The following COL1A1 variants were observed in gnomAD, a reference collection of about 807,000 sequenced individuals.
COL1A1 encodes the protein collagen type I alpha 1 chain.
Under a neutral mutation model 195.7 loss-of-function variants are expected in COL1A1, and 21 were observed. The observed-to-expected ratio is 0.11, with a 90% CI of 0.08 to 0.15. COL1A1 has a LOEUF of 0.15. Among genes scored for constraint, COL1A1 ranks in the 10% least tolerant of loss-of-function variants. The probability of loss-of-function intolerance (pLI) is 1.00; values close to 1 mark genes in which losing one functional copy is unlikely to be tolerated. For missense variants in COL1A1, 1,365 were observed against 2,051.0 expected (o/e 0.67, Z 6.46); for synonymous variants, 749 against 747.3 (o/e 1.00, Z -0.04).
Position 50,194,210 on chromosome 17 carries a change from G to T in COL1A1, c.1615-27C>A. The T allele has an allele frequency of 6.2e-7, 1 of 1,611,956 alleles. No individual in the cohort carries two copies. The highest frequency in any genetic ancestry group is 8.5e-7 in the Non-Finnish European group (1 of 1,178,932). ...TAGGGAGGCAGAGAGGTATGAGTGG[G>T]ACTTGGGGAGAAGCATGATGGAGGT... On this transcript the variant is annotated intron_variant, in intron 23 of 50. Coordinates refer to ENST00000225964, the MANE Select transcript of COL1A1 (RefSeq NM_000088.4). The surrounding 1 kb of genome is among the most constrained non-coding windows in gnomAD (Gnocchi z 6.8).
At chr17:50,199,982 G>T in intron 1 of COL1A1, 35 bp from the exon 2 acceptor site, 1 of 1,606,208 alleles carries the variant, frequency 6.2e-7, no homozygotes, top group South Asian at 1.1e-5. Flanking sequence ...TGTCAGTAGT[G>T]ACTGCAACCC....
chr17:50,191,872 G>A lies in COL1A1; in HGVS notation c.2043C>T (p.Phe681=), dbSNP rs1284654806. Residue 681 remains phenylalanine (F), a synonymous_variant, in exon 31 of 51, where the codon TTC becomes TTT. Coordinates refer to ENST00000225964, the MANE Select transcript of COL1A1 (RefSeq NM_000088.4). ...GPSGARGERG[F]PGERGVQGPP... is the part of the protein sequence containing the mutation. ...GACCTTGCACACCACGCTCGCCAGG[G>A]AAACCTCTCTCGCCCTAGAAGGGAA... 6.2e-7 allele frequency: 1 copy of A among 1,602,914 alleles called. No homozygotes were observed.
At position 50,189,767 on chromosome 17, in the gene COL1A1, G is replaced by A. The variant is rs370394723; in HGVS notation, c.2614-35C>T. 3.7e-6 allele frequency: 6 copies of A among 1,613,476 alleles called. No individual in the cohort carries two copies. The African/African-American group carries it at 6.7e-5, about 18-fold the overall frequency. On this transcript the variant is annotated intron_variant, in intron 37 of 50. Transcript: ENST00000225964. The surrounding 1 kb of genome is among the most constrained non-coding windows in gnomAD (Gnocchi z 5.5). Reference sequence around the variant, plus strand: ...GAGAACATAGGAACAGTCAGAGGGAGAACAGCCAACTCATCCGACCCAGCT... The same window carrying A: ...GAGAACATAGGAACAGTCAGAGGGAAAACAGCCAACTCATCCGACCCAGCT...
rs147277057 is a variant in COL1A1 at position 50,196,164 on chromosome 17, G to A, written c.993C>T (p.Ala331=). The change falls in exon 15 of 51, where the codon GCC becomes GCT. Residue 331 remains alanine (A), a synonymous_variant. Coordinates refer to ENST00000225964, the MANE Select transcript of COL1A1 (RefSeq NM_000088.4). Reference sequence around the variant, plus strand: ...TACAGGCCACACTCACAGGGGGCCCGGCAGCACCAGTAGCACCATCATTTC... The same window carrying A: ...TACAGGCCACACTCACAGGGGGCCCAGCAGCACCAGTAGCACCATCATTTC... ...ARGNDGATGA[A]GPPGPTGPAG... is the part of the protein sequence containing the mutation. The A allele has an allele frequency of 7.0e-5, 113 of 1,613,950 alleles. No homozygotes were observed. The highest frequency in any genetic ancestry group is 1.3e-4 in the East Asian group (6 of 44,862).
Position 50,191,815 on chromosome 17 carries a change from G to A in COL1A1, c.2100C>T (p.Asn700=), listed in dbSNP as rs201122145. 6.3e-6 allele frequency: 10 copies of A among 1,597,238 alleles called. No individual in the cohort carries two copies. The highest frequency in any genetic ancestry group is 4.5e-5 in the East Asian group (2 of 44,354). The change falls in exon 31 of 51, where the codon AAC becomes AAT. Residue 700 remains asparagine, a synonymous_variant. Coordinates refer to ENST00000225964, the MANE Select transcript of COL1A1 (RefSeq NM_000088.4). ...PPGPAGPRGA[N]GAPGNDGAKG... is the part of the protein sequence containing the mutation. ...TAGCACCATCGTTGCCGGGAGCACC[G>A]TTGGCCCCTCGGGGACCAGCAGGAC...
intron 1 of COL1A1, among the ~76,000 whole-genome samples, chr17:50,200,741 A>G (rs534528209): frequency 1.8e-4 from 27 of 152,308 alleles, no homozygotes; most frequent in African/African-American, 5.8e-4. Flanking sequence ...CCTCTTTAAG[A>G]GGCTTGGGCT....
At chr17:50,193,237 T>C (rs1907259350) in intron 25 of COL1A1, among the ~76,000 whole-genome samples, 190 bp from the exon 26 acceptor site, 1 of 152,172 alleles carries the variant, frequency 6.6e-6, no homozygotes, top group Admixed American at 6.5e-5. Context: ...AAGATGCCCT[T>C]CCAGGCTCCT....
rs751299130 is a variant in COL1A1, at chr17:50,194,807, G to T, written c.1375C>A (p.Pro459Thr). ...CCTTCCTCTCCAGCAGGGCCAGGGG[G>T]TCCTTGAACACCAACAGGGCCCTGG... ...GEPGPVGVQGPPGPAGEEGKR... is the reference protein window; with the variant it reads ...GEPGPVGVQGTPGPAGEEGKR... Residue 459 changes from proline (P) to threonine (T), a missense_variant, in exon 21 of 51, where the codon CCC becomes ACC. By Grantham distance (38) the Pro-to-Thr change is conservative. Transcript: ENST00000225964. This position sits in a 1 kb window ranked among gnomAD's most constrained non-coding sequence, Gnocchi z 6.8. The T allele has an allele frequency of 3.2e-6, 5 of 1,570,002 alleles. No individual in the cohort carries two copies. The Admixed American group carries it at 9.3e-5, about 29-fold the overall frequency.
chr17:50,190,406 G>C lies in COL1A1; in HGVS notation c.2398-26C>G, dbSNP rs996894681. 7 of 1,607,034 alleles carry C rather than the reference G, an allele frequency of 4.4e-6. No individual in the cohort carries two copies. Among genetic ancestry groups the C allele is most frequent in the South Asian group, 1.1e-5 (1 of 90,940 alleles). ...CTAGAAGAAAAGGAGTCAGATTGGA[G>C]AGATGCGCTGACAGGAGGGAAGGCG... On this transcript the variant is annotated intron_variant, in intron 34 of 50. Transcript: ENST00000225964. The surrounding 1 kb of genome is among the most constrained non-coding windows in gnomAD (Gnocchi z 4.7).
intron 1 of COL1A1, 143 bp from the exon 2 acceptor site, chr17:50,200,090 T>G: frequency 1.1e-6 from 1 of 924,358 alleles, no homozygotes; most frequent in Non-Finnish European, 1.7e-6. Flanking sequence ...CCTTAAAAGC[T>G]CGCCTGCTCC....
In COL1A1 at chr17:50,195,387, A is replaced by C. The variant is rs768279079; in HGVS notation, c.1200+47T>G. 1.9e-6 allele frequency: 3 copies of C among 1,613,652 alleles called. No homozygotes were observed. In the South Asian group the frequency reaches 3.3e-5, roughly 18 times the overall value. On this transcript the variant is annotated intron_variant, in intron 18 of 50. Transcript: ENST00000225964. The surrounding 1 kb of genome is among the most constrained non-coding windows in gnomAD (Gnocchi z 4.3). ...TAGGAGCAGAGGGAAAGGGGCAGGC[A>C]GGCTGCAGGCGGCAGGAGTGGGACT...
chr17:50,187,407 C>G lies in COL1A1; in HGVS notation c.3423+77G>C, dbSNP rs910333646. ...CCCTTCTCCAGAGAGGCAAAGGGTG[C>G]CTGGGTCCCTGGCAAGGGTCCCCGA... is the stretch of plus-strand genomic sequence containing the variant. On this transcript the variant is annotated intron_variant, in intron 46 of 50. Coordinates refer to ENST00000225964, the MANE Select transcript of COL1A1 (RefSeq NM_000088.4). 3 of 1,469,878 alleles carry G rather than the reference C, an allele frequency of 2.0e-6. No homozygotes were observed. In the East Asian group the frequency reaches 6.8e-5, roughly 33 times the overall value. 91.1% of individuals were successfully genotyped at this position (1,469,878 alleles called of 1,614,324 possible).
chr17:50,188,617 G>C lies in COL1A1; in HGVS notation c.3120C>G (p.Gly1040=), dbSNP rs776659807. The C allele has an allele frequency of 1.2e-6, 2 of 1,613,176 alleles. No homozygotes were observed. The highest frequency in any genetic ancestry group is 1.7e-6 in the Non-Finnish European group (2 of 1,179,710). ...PGAKGDRGET[G]PAGPPGAPGA... Reference sequence around the variant, plus strand: ...CAGGAGCACCAGGGGGTCCAGCGGGGCCGGTCTCACCACGGTCACCCTGGC... The same window carrying C: ...CAGGAGCACCAGGGGGTCCAGCGGGCCCGGTCTCACCACGGTCACCCTGGC... The change falls in exon 43 of 51, where the codon GGC becomes GGG. Residue 1040 remains glycine (G), a synonymous_variant. Transcript: ENST00000225964. The surrounding 1 kb of genome is among the most constrained non-coding windows in gnomAD (Gnocchi z 5.6).
chr17:50,200,071 TC>T, intron 1 of COL1A1, 124 bp from the exon 2 acceptor site: 2 of 1,099,120 alleles, frequency 1.8e-6, no homozygotes, highest in Non-Finnish European at 2.8e-6. Context: ...CGTTCTTCTT[TC>T]CTCAAATCCT....
In COL1A1 at chr17:50,185,838, G is replaced by A. The variant is rs780908692; in HGVS notation, c.4188C>T (p.Ile1396=). The change falls in exon 50 of 51, where the codon ATC becomes ATT. Residue 1396 remains isoleucine (I), a synonymous_variant. Coordinates refer to ENST00000225964, the MANE Select transcript of COL1A1 (RefSeq NM_000088.4). Reference sequence around the variant, plus strand: ...GGCTGTTGCCCTCGGCGCGGATCTCGATCTCGTTGGAGCCCTGGAGGAGCA... The same window carrying A: ...GGCTGTTGCCCTCGGCGCGGATCTCAATCTCGTTGGAGCCCTGGAGGAGCA... ...KALLLQGSNE[I]EIRAEGNSRF... is the part of the protein sequence containing the mutation. The A allele has an allele frequency of 6.3e-5, 101 of 1,614,004 alleles. No individual in the cohort carries two copies. The highest frequency in any genetic ancestry group is 8.1e-5 in the Non-Finnish European group (96 of 1,180,038).
rs138164489 is a variant in COL1A1 at position 50,192,794 on chromosome 17, C to A, written c.1875+3G>T. 6.5e-5 allele frequency: 105 copies of A among 1,614,116 alleles called. No homozygotes were observed. The highest frequency in any genetic ancestry group is 1.2e-4 in the Admixed American group (7 of 60,022). ...CCCAGATCTCCCCATCAGGGACACTCACAGCAGGGCCAGGGGGTCCCTGAG... is the reference window on the plus strand; with the variant it reads ...CCCAGATCTCCCCATCAGGGACACTAACAGCAGGGCCAGGGGGTCCCTGAG... On this transcript the variant is annotated splice_donor_region_variant and intron_variant, in intron 27 of 50. Coordinates refer to ENST00000225964, the MANE Select transcript of COL1A1 (RefSeq NM_000088.4).
In COL1A1 at chr17:50,194,102, CA is replaced by C; in HGVS notation, c.1668+27del. On this transcript the variant is annotated intron_variant, in intron 24 of 50. Transcript: ENST00000225964. The surrounding 1 kb of genome is among the most constrained non-coding windows in gnomAD (Gnocchi z 6.8). The stretch of plus-strand genomic sequence containing the variant: ...AGCAGGGAGGCAGACAGGACAATGG[CA>C]GGGGGTTCAGGGGGAGTGATACTTA... 6.2e-7 allele frequency: 1 copy of C among 1,611,442 alleles called. No homozygotes were observed. Among genetic ancestry groups the C allele is most frequent in the Non-Finnish European group, 8.5e-7 (1 of 1,178,020 alleles).
In COL1A1 at chr17:50,190,636, C is replaced by T. The variant is rs1158552296; in HGVS notation, c.2344-40G>A. 1.9e-6 allele frequency: 3 copies of T among 1,603,536 alleles called. No individual in the cohort carries two copies. Among genetic ancestry groups the T allele is most frequent in the Non-Finnish European group, 2.6e-6 (3 of 1,171,908 alleles). ...CAAGAGGCTCAGGGTCAGGGCCTCC[C>T]CTGAATACTCCTAGTAGATGACCCC... On this transcript the variant is annotated intron_variant, in intron 33 of 50. Transcript: ENST00000225964. The surrounding 1 kb of genome is among the most constrained non-coding windows in gnomAD (Gnocchi z 4.7).
At chr17:50,193,205 C>T (rs1189300814) in intron 25 of COL1A1, among the ~76,000 whole-genome samples, 158 bp from the exon 26 acceptor site, 3 of 152,138 alleles carry the variant, frequency 2.0e-5, no homozygotes, top group African/African-American at 7.2e-5. Flanking sequence ...CTTGCTGGGC[C>T]CTTTCTGAGC....
Sources: gnomAD v4.1 joint callset for allele counts (sites outside exome capture counted in the v4.1 genomes callset) on GRCh38, gnomAD v4.1.1 for gene constraint, Gnocchi (gnomAD v3.1) non-coding constraint, MANE v1.5 for transcripts, NCBI Gene and HGNC (gene_info 2026-07-23, HGNC 2026-07-21) for gene names.